The following ZNF717 variants were observed in gnomAD, a reference collection of about 807,000 sequenced individuals.
The protein encoded by ZNF717 is krueppel-like factor X17.
A neutral mutation model predicts 13.8 loss-of-function variants in ZNF717; 9 were observed. The observed-to-expected ratio is 0.65, with a 90% CI of 0.39 to 1.14. ZNF717 has a LOEUF of 1.14. ZNF717 is among the 50% of genes most tolerant of loss of function. The pLI is 0.01. For synonymous variants in ZNF717, 327 were observed against 364.1 expected, an observed-to-expected ratio of 0.90 and a Z score of 1.16; for missense variants, 1,040 against 1,080.7, an observed-to-expected ratio of 0.96 and a Z score of 0.53.
chr3:75,753,224 G>A (rs77555885), intron 2 of ZNF717, among the ~76,000 whole-genome samples: 26 of 116,826 alleles, frequency 2.2e-4, no homozygotes, highest in East Asian at 1.0e-3. Flanking sequence ...TCCCTCACAT[G>A]GGATTCCAGA....
At chr3:75,757,598 T>C (rs1575877304) in intron 2 of ZNF717, among the ~76,000 whole-genome samples, 1 of 152,340 alleles carries the variant, frequency 6.6e-6, no homozygotes, top group East Asian at 1.9e-4. Flanking sequence ...TTTTCATGCC[T>C]ACTAACCCAA....
intron 2 of ZNF717, among the ~76,000 whole-genome samples, chr3:75,742,554 A>T (rs1332721064): frequency 2.2e-5 from 1 of 45,054 alleles, no homozygotes; most frequent in Non-Finnish European, 4.8e-5. Context: ...TGAACCATGA[A>T]TTCTCTGACT....
chr3:75,780,372 ACT>A (rs1463131958), intron 2 of ZNF717, among the ~76,000 whole-genome samples: 1 of 152,226 alleles, frequency 6.6e-6, no homozygotes, highest in Non-Finnish European at 1.5e-5. Context: ...TTTTGGTCAC[ACT>A]CTCAACTAAG....
downstream of ZNF717, among the ~76,000 whole-genome samples, chr3:75,726,790 G>A (rs1411147149): frequency 2.0e-5 from 3 of 151,248 alleles, no homozygotes; most frequent in Non-Finnish European, 4.4e-5. Flanking sequence ...AAGTGCAGTT[G>A]TTCCTCAGTA....
At chr3:75,725,873 C>A (rs1938269617), downstream of ZNF717, among the ~76,000 whole-genome samples, 1 of 152,228 alleles carries the variant, frequency 6.6e-6, no homozygotes, top group Non-Finnish European at 1.5e-5. Context: ...ACAGCCAAAC[C>A]ATATCAGTCT....
chr3:75,771,110 T>G (rs2107642489), intron 2 of ZNF717, among the ~76,000 whole-genome samples: 1 of 152,338 alleles, frequency 6.6e-6, no homozygotes, highest in Non-Finnish European at 1.5e-5. Context: ...AGTATGTGCC[T>G]GTAACAACAG....
At chr3:75,719,447 T>G (rs1337610658) in intron 4 of ZNF717, among the ~76,000 whole-genome samples, 2 of 152,172 alleles carry the variant, frequency 1.3e-5, no homozygotes, top group East Asian at 3.9e-4. Flanking sequence ...TGACAGATAA[T>G]GTAGTTCAAA....
At chr3:75,781,410 G>A (rs1944810661) in intron 2 of ZNF717, among the ~76,000 whole-genome samples, 1 of 152,114 alleles carries the variant, frequency 6.6e-6, no homozygotes, top group South Asian at 2.1e-4. Context: ...TGTTTCTGGG[G>A]ACTCTCCGAT....
At chr3:75,782,673 C>T (rs374480770) in intron 2 of ZNF717, among the ~76,000 whole-genome samples, 80 of 152,294 alleles carry the variant, frequency 5.3e-4, no homozygotes, top group African/African-American at 1.7e-3. Context: ...TGTGCTTTAG[C>T]GGCAGATGAC....
intron 2 of ZNF717, among the ~76,000 whole-genome samples, chr3:75,753,043 A>T (rs1942048896): frequency 6.6e-6 from 1 of 151,442 alleles, no homozygotes; most frequent in African/African-American, 2.4e-5. Context: ...GGATTCCAGA[A>T]CACTGCTATG....
At chr3:75,734,309 T>A (rs1938882935), downstream of ZNF717, among the ~76,000 whole-genome samples, 1 of 152,030 alleles carries the variant, frequency 6.6e-6, no homozygotes, top group Admixed American at 6.6e-5. Flanking sequence ...AACCTCATGA[T>A]CCACCCATCT....
intron 2 of ZNF717, among the ~76,000 whole-genome samples, chr3:75,770,743 T>C (rs1943818152): frequency 6.6e-6 from 1 of 152,170 alleles, no homozygotes; most frequent in African/African-American, 2.4e-5. Flanking sequence ...CTTTGAATTT[T>C]TTGAGCTTAA....
downstream of ZNF717, among the ~76,000 whole-genome samples, chr3:75,706,692 G>A (rs1455283849): frequency 1.3e-5 from 2 of 152,384 alleles, no homozygotes; most frequent in Non-Finnish European, 2.9e-5. Flanking sequence ...AAGTGATAGG[G>A]TCTGATACTT....
intron 4 of ZNF717, among the ~76,000 whole-genome samples, chr3:75,741,031 A>C (rs1940351116): frequency 1.3e-5 from 2 of 152,316 alleles, no homozygotes; most frequent in South Asian, 4.1e-4. Flanking sequence ...AGCAGAGAAA[A>C]AGGCCTAAGG....
At chr3:75,753,875 TG>T (rs1942217589) in intron 2 of ZNF717, among the ~76,000 whole-genome samples, 1 of 152,184 alleles carries the variant, frequency 6.6e-6, no homozygotes, top group South Asian at 2.1e-4. Context: ...TACAAGGGTC[TG>T]AATGTTTGTC....
chr3:75,720,120 T>A (rs1472889867), intron 4 of ZNF717, among the ~76,000 whole-genome samples: 2 of 152,018 alleles, frequency 1.3e-5, no homozygotes, highest in African/African-American at 2.4e-5. Flanking sequence ...AGAACTATCA[T>A]GAGACCCAGC....
Position 75,736,727 on chromosome 3 carries a change from C to A in ZNF717, c.*151G>T. The A allele has an allele frequency of 1.6e-6, 1 of 641,680 alleles. No individual in the cohort carries two copies. Among genetic ancestry groups the A allele is most frequent in the Non-Finnish European group, 2.5e-6 (1 of 405,508 alleles). The allele number at this position is 641,680 out of a possible 1,614,324, so 39.7% of individuals were successfully genotyped here. A position where few individuals can be genotyped will look rare whatever the true frequency, so the allele number is the denominator to read the frequency against. ...AAGTGTGCTGTAAAAATGGGAACAA[C>A]AAAGCCTGCATGATAGGACTTCTGT... is the stretch of plus-strand genomic sequence containing the variant. On this transcript the variant is annotated 3_prime_UTR_variant, in exon 5 of 5. Transcript: ENST00000652011.
chr3:75,703,557 TA>T (rs985100470), intron 6 of ZNF717, among the ~76,000 whole-genome samples: 3 of 152,022 alleles, frequency 2.0e-5, no homozygotes, highest in Non-Finnish European at 2.9e-5. Context: ...AATAAATAAA[TA>T]AAAATAAAAA....
At chr3:75,780,128 G>C (rs922148982) in intron 2 of ZNF717, among the ~76,000 whole-genome samples, 1 of 150,398 alleles carries the variant, frequency 6.6e-6, no homozygotes, top group Admixed American at 6.6e-5. Flanking sequence ...CAATGGGAGT[G>C]ACGTGCTAAA....
Sources: gnomAD v4.1 joint callset for allele counts (sites outside exome capture counted in the v4.1 genomes callset) on GRCh38, gnomAD v4.1.1 for gene constraint, MANE v1.5 for transcripts, NCBI Gene and HGNC (gene_info 2026-07-23, HGNC 2026-07-21) for gene names.